ALKBH5: variants seen among roughly 807,000 people sequenced by gnomAD.
ALKBH5 encodes RNA demethylase ALKBH5.
ALKBH5 carries 2 observed loss-of-function variants against 32.1 expected under a neutral mutation model. The ratio of observed to expected loss-of-function variants is 0.06; its 90% CI spans 0.03 to 0.20. ALKBH5 has a LOEUF of 0.20. Among genes scored for constraint, ALKBH5 ranks in the 10% least tolerant of loss-of-function variants. The pLI, the probability that ALKBH5 is intolerant of heterozygous loss-of-function variation, is 1.00. For synonymous variants in ALKBH5, 300 were observed against 231.7 expected (o/e 1.29, Z -2.68); for missense variants, 352 against 559.5 (o/e 0.63, Z 3.74).
chr17:18,193,747 T>C (rs1163748277), intron 1 of ALKBH5, among the ~76,000 whole-genome samples: 1 of 152,108 alleles, frequency 6.6e-6, no homozygotes, highest in Non-Finnish European at 1.5e-5. Flanking sequence ...AGGCCTGCAG[T>C]GTTTTTAATA....
chr17:18,208,338 A>G lies in ALKBH5; in HGVS notation c.1127A>G (p.Glu376Gly), dbSNP rs781303076. 6.2e-7 allele frequency: 1 copy of G among 1,614,082 alleles called. No individual in the cohort carries two copies. Among genetic ancestry groups the G allele is most frequent in the Non-Finnish European group, 8.5e-7 (1 of 1,179,996 alleles). ...NYWRKSYESSEDCSEAAGSPA... is the reference protein window; with the variant it reads ...NYWRKSYESSGDCSEAAGSPA... The stretch of plus-strand genomic sequence containing the variant: ...TGGCGCAAGTCATACGAGTCCTCAG[A>G]GGACTGCTCTGAGGCAGCAGGCAGC... Residue 376 changes from glutamate (E) to glycine (G), a missense_variant, in exon 4 of 4, where the codon GAG becomes GGG. By Grantham distance (98) the Glu-to-Gly change is moderately conservative. Coordinates refer to ENST00000399138, the MANE Select transcript of ALKBH5 (RefSeq NM_017758.4).
intron 2 of ALKBH5, among the ~76,000 whole-genome samples, chr17:18,198,209 G>A (rs1248767122): frequency 6.6e-6 from 1 of 152,142 alleles, no homozygotes; most frequent in African/African-American, 2.4e-5. Flanking sequence ...CAGCACACAT[G>A]CAGACACATA....
chr17:18,198,886 C>A (rs2047219797), intron 2 of ALKBH5, among the ~76,000 whole-genome samples: 3 of 152,056 alleles, frequency 2.0e-5, no homozygotes, highest in Admixed American at 1.3e-4. Context: ...CTCAGACTGT[C>A]CCTTGGTGTT....
chr17:18,191,456 T>C (rs1321376312), intron 1 of ALKBH5, among the ~76,000 whole-genome samples: 3 of 152,184 alleles, frequency 2.0e-5, no homozygotes, highest in African/African-American at 4.8e-5. Flanking sequence ...TTGTTTGTTC[T>C]AGAGCCCTTT....
chr17:18,189,326 G>C (rs1312242004), intron 1 of ALKBH5, among the ~76,000 whole-genome samples: 2 of 152,188 alleles, frequency 1.3e-5, no homozygotes, highest in Admixed American at 1.3e-4. Flanking sequence ...AGCTTGCAGT[G>C]AACCGAGATC....
Position 18,184,473 on chromosome 17 carries a change from A to G in ALKBH5, c.230A>G (p.Gln77Arg). 4 of 1,612,722 alleles carry G rather than the reference A, an allele frequency of 2.5e-6. No homozygotes were observed. The highest frequency in any genetic ancestry group is 2.5e-6 in the Non-Finnish European group (3 of 1,179,706). Residue 77 changes from glutamine (Q) to arginine (R), a missense_variant, in exon 1 of 4, where the codon CAG (glutamine) becomes CGG (arginine). Physicochemically the swap from Gln to Arg is conservative, Grantham distance 43 (BLOSUM62 1). Transcript: ENST00000399138. ...ERSDYEEQQL[Q>R]KEEEARKVKS... is the part of the protein sequence containing the mutation. Reference sequence around the variant, plus strand: ...AGCGACTATGAGGAGCAGCAGCTGCAGAAGGAGGAGGAGGCGCGCAAGGTG... The same window carrying G: ...AGCGACTATGAGGAGCAGCAGCTGCGGAAGGAGGAGGAGGCGCGCAAGGTG...
intron 2 of ALKBH5, among the ~76,000 whole-genome samples, chr17:18,201,266 T>A (rs1054571977): frequency 6.6e-6 from 1 of 152,218 alleles, no homozygotes; most frequent in African/African-American, 2.4e-5. Flanking sequence ...TCCACGTGCA[T>A]ACACCCTGCC....
chr17:18,185,508 A>T (rs1443178609), intron 1 of ALKBH5, among the ~76,000 whole-genome samples: 1 of 152,170 alleles, frequency 6.6e-6, no homozygotes, highest in South Asian at 2.1e-4. Context: ...ATTGAAGCAC[A>T]TTCTCCATTC....
At chr17:18,202,450 T>C (rs2047247645) in intron 2 of ALKBH5, among the ~76,000 whole-genome samples, 4 of 151,300 alleles carry the variant, frequency 2.6e-5, no homozygotes, top group Admixed American at 2.0e-4. Flanking sequence ...TTTGTGGGAG[T>C]CTGATTCTCA....
intron 2 of ALKBH5, among the ~76,000 whole-genome samples, chr17:18,197,509 A>T (rs1218914863): frequency 6.6e-6 from 1 of 152,214 alleles, no homozygotes; most frequent in African/African-American, 2.4e-5. Context: ...ACTTCCCAAG[A>T]GTTCCTCTCA....
chr17:18,201,819 A>AGATAGATAGAT (rs1555551035), intron 2 of ALKBH5, among the ~76,000 whole-genome samples: 1 of 75,762 alleles, frequency 1.3e-5, no homozygotes, highest in Non-Finnish European at 3.1e-5. Flanking sequence ...ATAGATAGAT[A>AGATAGATAGAT]GATAGATAGA....
intron 1 of ALKBH5, among the ~76,000 whole-genome samples, chr17:18,188,561 G>T (rs924741198): frequency 2.0e-5 from 3 of 152,232 alleles, no homozygotes; most frequent in Non-Finnish European, 4.4e-5. Context: ...CACATCTCTT[G>T]TGTGGACTCT....
At chr17:18,206,220 C>T (rs1163774799) in intron 2 of ALKBH5, among the ~76,000 whole-genome samples, 3 of 152,166 alleles carry the variant, frequency 2.0e-5, no homozygotes, top group Non-Finnish European at 4.4e-5. Context: ...CTTCAAAAGC[C>T]CTCTGGCCTT....
At chr17:18,199,488 G>A (rs2047223880) in intron 2 of ALKBH5, among the ~76,000 whole-genome samples, 1 of 152,184 alleles carries the variant, frequency 6.6e-6, no homozygotes, top group South Asian at 2.1e-4. Flanking sequence ...GGTAGGCCTT[G>A]CTAGCTGCCC....
chr17:18,200,285 A>C (rs1161855454), intron 2 of ALKBH5, among the ~76,000 whole-genome samples: 1 of 151,834 alleles, frequency 6.6e-6, no homozygotes, highest in East Asian at 1.9e-4. Flanking sequence ...AGAGGGAAGG[A>C]GGCCTTAGGT....
chr17:18,195,401 C>G (rs2047198874), intron 2 of ALKBH5, among the ~76,000 whole-genome samples: 1 of 152,176 alleles, frequency 6.6e-6, no homozygotes, highest in African/African-American at 2.4e-5. Flanking sequence ...TATTTTTAGA[C>G]TGTGCCTTTA....
chr17:18,186,318 A>C (rs1343642989), intron 1 of ALKBH5, among the ~76,000 whole-genome samples: 2 of 152,092 alleles, frequency 1.3e-5, no homozygotes, highest in African/African-American at 4.8e-5. Flanking sequence ...TCCTAGATGG[A>C]TGTCTTGGCA....
At position 18,184,327 on chromosome 17, in the gene ALKBH5, G is replaced by C; in HGVS notation, c.84G>C (p.Arg28=). The change falls in exon 1 of 4, where the codon CGG becomes CGC. Residue 28 remains arginine (R), a synonymous_variant. Coordinates refer to ENST00000399138, the MANE Select transcript of ALKBH5 (RefSeq NM_017758.4). ...TSRDNYKAGS[R]EAAAAAAAAV... ...GGGACAACTATAAGGCGGGCAGCCG[G>C]GAGGCCGCCGCCGCTGCCGCAGCCG... 1 of 1,513,672 alleles carries C rather than the reference G, an allele frequency of 6.6e-7. No individual in the cohort carries two copies. The highest frequency in any genetic ancestry group is 8.8e-7 in the Non-Finnish European group (1 of 1,134,604). The allele number at this position is 1,513,672 out of a possible 1,614,324, so 93.8% of individuals were successfully genotyped here. A position where few individuals can be genotyped will look rare whatever the true frequency, so the allele number is the denominator to read the frequency against.
chr17:18,185,797 G>C (rs541751376), intron 1 of ALKBH5, among the ~76,000 whole-genome samples: 28 of 152,358 alleles, frequency 1.8e-4, no homozygotes, highest in African/African-American at 6.7e-4. Flanking sequence ...GGCCCCCAGA[G>C]GAGATTGCCA....
Sources: gnomAD v4.1 joint callset for allele counts (sites outside exome capture counted in the v4.1 genomes callset) on GRCh38, gnomAD v4.1.1 for gene constraint, MANE v1.5 for transcripts, NCBI Gene and HGNC (gene_info 2026-07-23, HGNC 2026-07-21) for gene names.